MAF: variants seen among roughly 807,000 people sequenced by gnomAD.
MAF encodes transcription factor Maf.
Under a neutral mutation model 22.0 loss-of-function variants are expected in MAF, and 10 were observed. The ratio of observed to expected loss-of-function variants is 0.45; its 90% CI spans 0.28 to 0.77. The LOEUF (loss-of-function observed/expected upper bound fraction) is 0.77, where lower values mean the gene tolerates loss of function less well. Among genes scored for constraint, MAF ranks in the 30% least tolerant of loss-of-function variants. The pLI, the probability that MAF is intolerant of heterozygous loss-of-function variation, is 0.12. For synonymous variants in MAF, 337 were observed against 255.8 expected (o/e 1.32, Z -3.03); for missense variants, 544 against 548.4 (o/e 0.99, Z 0.08).
the MAF span, among the ~76,000 whole-genome samples, chr16:79,445,578 C>T: frequency 6.6e-6 from 1 of 152,242 alleles, no homozygotes; most frequent in East Asian, 1.9e-4. Flanking sequence ...CCCTTGTCCA[C>T]TGCACTCCAC....
the MAF span, among the ~76,000 whole-genome samples, chr16:79,242,529 T>C: frequency 6.6e-6 from 1 of 151,904 alleles, no homozygotes; most frequent in Non-Finnish European, 1.5e-5. Flanking sequence ...ATGCACCCAA[T>C]ACCGGAGCAC....
In MAF at chr16:79,599,162, G is replaced by A. The variant is rs751341494; in HGVS notation, c.741C>T (p.His247=). The A allele has an allele frequency of 1.9e-5, 27 of 1,438,012 alleles. No homozygotes were observed. Among genetic ancestry groups the A allele is most frequent in the Non-Finnish European group, 1.2e-5 (13 of 1,089,020 alleles). The allele number at this position is 1,438,012 out of a possible 1,614,324, so 89.1% of individuals were successfully genotyped here. The change falls in exon 1 of 2, where the codon CAC becomes CAT. Residue 247 remains histidine (H), a synonymous_variant. Coordinates refer to ENST00000326043, the MANE Select transcript of MAF (RefSeq NM_005360.5). ...GCAGGCCGCCGGCGGCGTGGTGCGG[G>A]TGCAGGGCGCCCCCCGCCCCCGCCG... ...GGAAGAGGAL[H]PHHAAGGLHF... is the part of the protein sequence containing the mutation.
the MAF span, among the ~76,000 whole-genome samples, chr16:79,284,692 G>C: frequency 6.6e-6 from 1 of 152,210 alleles, no homozygotes; most frequent in Non-Finnish European, 1.5e-5. Context: ...TGCAGGGCTG[G>C]TGTCACAGGA....
At chr16:79,515,197 G>A in the MAF span, among the ~76,000 whole-genome samples, 1 of 152,210 alleles carries the variant, frequency 6.6e-6, no homozygotes, top group African/African-American at 2.4e-5. Context: ...CATTGTCATT[G>A]TCATCCACTT....
the MAF span, among the ~76,000 whole-genome samples, chr16:79,392,209 GGAGAAAGAAAAA>G: frequency 6.8e-6 from 1 of 147,310 alleles, no homozygotes; most frequent in African/African-American, 2.5e-5. Flanking sequence ...AGAAGAGAGA[GGAGAAAGAAAAA>G]GAGAAAGAAG....
At chr16:79,299,025 CTTGTGGTGCTGATGGGCACT>C in the MAF span, among the ~76,000 whole-genome samples, 1 of 152,264 alleles carries the variant, frequency 6.6e-6, no homozygotes, top group Non-Finnish European at 1.5e-5. Context: ...CTTTGGGCAC[CTTGTGGTGCTGATGGGCACT>C]GGGGCTCGGC....
chr16:79,340,976 C>T, the MAF span, among the ~76,000 whole-genome samples: 3 of 152,172 alleles, frequency 2.0e-5, no homozygotes, highest in South Asian at 6.2e-4. Flanking sequence ...TAAGATGGGA[C>T]CTCAAGATGA....
At chr16:79,281,546 C>A in the MAF span, among the ~76,000 whole-genome samples, 2 of 115,542 alleles carry the variant, frequency 1.7e-5, no homozygotes, top group African/African-American at 6.8e-5. Context: ...TCTTTGAAGA[C>A]TTTTTTTTTT....
chr16:79,477,148 C>A, the MAF span, among the ~76,000 whole-genome samples: 1 of 152,164 alleles, frequency 6.6e-6, no homozygotes, highest in Non-Finnish European at 1.5e-5. Flanking sequence ...GATACAATTA[C>A]GTTAATTTGA....
At chr16:79,352,117 C>G in the MAF span, among the ~76,000 whole-genome samples, 15 of 152,194 alleles carry the variant, frequency 9.9e-5, no homozygotes, top group East Asian at 2.9e-3. Flanking sequence ...CTTGAGGGAC[C>G]TGGGAAAGTA....
the MAF span, among the ~76,000 whole-genome samples, chr16:79,495,508 G>C: frequency 6.6e-6 from 1 of 152,136 alleles, no homozygotes; most frequent in Non-Finnish European, 1.5e-5. Context: ...GAAATTCTGA[G>C]AGTTTTAGAA....
the MAF span, among the ~76,000 whole-genome samples, chr16:79,421,513 T>C: frequency 2.0e-5 from 3 of 152,232 alleles, no homozygotes; most frequent in Non-Finnish European, 4.4e-5. Context: ...CTTAGTAATA[T>C]GCATTTGTTT....
chr16:79,431,335 T>C, the MAF span, among the ~76,000 whole-genome samples: 1 of 152,232 alleles, frequency 6.6e-6, no homozygotes. Context: ...ACCTGCAATC[T>C]GGATTTGAAT....
the MAF span, among the ~76,000 whole-genome samples, chr16:79,451,192 C>T: frequency 1.3e-5 from 2 of 152,214 alleles, no homozygotes; most frequent in Admixed American, 1.3e-4. Flanking sequence ...TTAAAACTAA[C>T]ATGTAGTTGT....
chr16:79,244,423 T>C, the MAF span, among the ~76,000 whole-genome samples: 5 of 151,952 alleles, frequency 3.3e-5, no homozygotes, highest in Admixed American at 1.3e-4. Context: ...ACATCAATAA[T>C]AGACAAACAG....
At chr16:79,450,472 A>G in the MAF span, among the ~76,000 whole-genome samples, 2 of 152,186 alleles carry the variant, frequency 1.3e-5, no homozygotes, top group Non-Finnish European at 2.9e-5. Flanking sequence ...CTTTTAATTC[A>G]TGAGTTGCTG....
chr16:79,413,620 T>C, the MAF span, among the ~76,000 whole-genome samples: 28 of 152,116 alleles, frequency 1.8e-4, no homozygotes, highest in Admixed American at 6.5e-4. Context: ...ACCTACTTCA[T>C]AGAGTTATTA....
chr16:79,375,348 T>A, the MAF span, among the ~76,000 whole-genome samples: 3 of 152,192 alleles, frequency 2.0e-5, no homozygotes, highest in African/African-American at 7.2e-5. Context: ...TTCCACATTG[T>A]TGTTCTTCAT....
At chr16:79,505,968 T>G in the MAF span, among the ~76,000 whole-genome samples, 2 of 141,622 alleles carry the variant, frequency 1.4e-5, no homozygotes, top group African/African-American at 5.3e-5. Context: ...AGAAAGAAAA[T>G]AGAGAAGGAG....
Sources: allele counts gnomAD v4.1 joint callset (sites outside exome capture counted in the v4.1 genomes callset), GRCh38; gene constraint gnomAD v4.1.1; transcripts MANE v1.5; gene names NCBI Gene and HGNC (gene_info 2026-07-23, HGNC 2026-07-21).